The following DPH6 variants were observed in gnomAD, a reference collection of about 807,000 sequenced individuals.
DPH6 encodes diphthine--ammonia ligase.
DPH6 carries 33 observed loss-of-function variants against 38.2 expected under a neutral mutation model. The observed-to-expected ratio is 0.86, with a 90% CI of 0.65 to 1.15. DPH6 has a LOEUF of 1.15. Among genes scored for constraint, DPH6 ranks in the 50% most tolerant of loss-of-function variants. The pLI is 0.00. For missense variants in DPH6, 325 were observed against 320.0 expected, an observed-to-expected ratio of 1.02 and a Z score of -0.12; for synonymous variants, 108 against 103.0, an observed-to-expected ratio of 1.05 and a Z score of -0.30.
At position 35,383,159 on chromosome 15, in the gene DPH6, G is replaced by A. The variant is rs553098003; in HGVS notation, c.568-1243C>T. 1.6e-4 allele frequency among the ~76,000 whole-genome samples: 24 copies of A among 152,250 alleles called. 1 individual carries two copies. The highest frequency in any genetic ancestry group is 3.4e-3 in the Middle Eastern group (1 of 294). ...AGAAAATGTTTTACTGAAGTTCTGT[G>A]TAATTTCTGTAATCCACCACCAAAG... On this transcript the variant is annotated intron_variant, in intron 6 of 8. Transcript: ENST00000256538.
chr15:35,411,139 C>T (rs1430202813), intron 5 of DPH6, among the ~76,000 whole-genome samples: 5 of 151,618 alleles, frequency 3.3e-5, no homozygotes, highest in South Asian at 4.1e-4. Context: ...AACTACCAGA[C>T]GCATTGTTTC....
intron 3 of DPH6, among the ~76,000 whole-genome samples, chr15:35,293,732 G>T (rs2051995466): frequency 6.6e-6 from 1 of 152,210 alleles, no homozygotes; most frequent in African/African-American, 2.4e-5. Flanking sequence ...GACAAAGGAA[G>T]AGGATGCACT....
chr15:35,541,681 G>GTGCTA (rs1555410011), intron 2 of DPH6, among the ~76,000 whole-genome samples: 2 of 152,086 alleles, frequency 1.3e-5, no homozygotes, highest in Non-Finnish European at 2.9e-5. Flanking sequence ...AGTCACAAAA[G>GTGCTA]TGCTAATCTT....
intron 3 of DPH6, among the ~76,000 whole-genome samples, chr15:35,496,567 A>AAAAAAAAAAAAAAAAAAAAAAAAAAATAT: frequency 9.7e-5 from 3 of 31,014 alleles, no homozygotes; most frequent in African/African-American, 4.1e-4. Flanking sequence ...AAAAAAAAAA[A>AAAAAAAAAAAAAAAAAAAAAAAAAAATAT]ATATATATAT....
intron 3 of DPH6, among the ~76,000 whole-genome samples, chr15:35,457,561 T>C (rs983488921): frequency 4.6e-5 from 7 of 152,098 alleles, no homozygotes; most frequent in African/African-American, 1.7e-4. Context: ...GCCTCCCAAA[T>C]TGCTGGGATT....
At chr15:35,336,858 T>C (rs1029077834) in intron 3 of DPH6, among the ~76,000 whole-genome samples, 2 of 152,316 alleles carry the variant, frequency 1.3e-5, no homozygotes, top group African/African-American at 4.8e-5. Context: ...CAGTATTTTA[T>C]TGAGGATTTT....
chr15:35,382,558 T>C (rs1566888586), intron 6 of DPH6, among the ~76,000 whole-genome samples: 1 of 152,150 alleles, frequency 6.6e-6, no homozygotes, highest in East Asian at 1.9e-4. Flanking sequence ...AACAAAAATA[T>C]ATGCAGCCAA....
intron 3 of DPH6, among the ~76,000 whole-genome samples, chr15:35,455,137 T>C (rs1043351420): frequency 3.3e-5 from 5 of 152,220 alleles, no homozygotes; most frequent in African/African-American, 1.2e-4. Flanking sequence ...TGATGTTCGA[T>C]GGAAACTTTT....
the DPH6 span, among the ~76,000 whole-genome samples, chr15:35,148,240 A>AT: frequency 6.6e-6 from 1 of 152,154 alleles, no homozygotes; most frequent in Non-Finnish European, 1.5e-5. Context: ...AAGTTATTTC[A>AT]TTTTTCTTCC....
At chr15:35,191,176 T>C in the DPH6 span, among the ~76,000 whole-genome samples, 37 of 152,324 alleles carry the variant, frequency 2.4e-4, no homozygotes, top group African/African-American at 6.5e-4. Flanking sequence ...CAATGTAACA[T>C]GCCACATTTC....
chr15:35,177,239 T>C, the DPH6 span, among the ~76,000 whole-genome samples: 1 of 151,930 alleles, frequency 6.6e-6, no homozygotes, highest in Non-Finnish European at 1.5e-5. Flanking sequence ...TTCAAAGTCA[T>C]GGATTTAGCA....
chr15:35,521,645 T>A, intron 3 of DPH6: 1 of 1,230,516 alleles, frequency 8.1e-7, no homozygotes, highest in South Asian at 4.1e-5. Context: ...GTATTTTTAA[T>A]ATGCAGGATA....
chr15:35,382,474 A>ACACACACAC (rs2052884273), intron 6 of DPH6, among the ~76,000 whole-genome samples: 2 of 133,564 alleles, frequency 1.5e-5, no homozygotes, highest in African/African-American at 6.3e-5. Flanking sequence ...CACACACACA[A>ACACACACAC]AATTAAGATT....
At chr15:35,179,843 T>C in the DPH6 span, among the ~76,000 whole-genome samples, 3 of 152,206 alleles carry the variant, frequency 2.0e-5, no homozygotes, top group African/African-American at 7.2e-5. Flanking sequence ...AGGAAGTAGA[T>C]GCATGGCAAA....
chr15:35,436,780 G>A (rs1442386049), intron 5 of DPH6, among the ~76,000 whole-genome samples: 2 of 142,686 alleles, frequency 1.4e-5, no homozygotes, highest in African/African-American at 5.2e-5. Flanking sequence ...TTCTCCACCA[G>A]GTCAGGAGTT....
intron 3 of DPH6, among the ~76,000 whole-genome samples, chr15:35,309,919 C>A (rs1334987921): frequency 6.6e-6 from 1 of 152,178 alleles, no homozygotes; most frequent in Non-Finnish European, 1.5e-5. Context: ...CAGTGGGATC[C>A]TCCTGTGTGC....
rs146947570 is a variant in DPH6, at chr15:35,226,904, G to C, written n.201-6322C>G. Among the ~76,000 whole-genome samples, 282 of 152,238 alleles carry C rather than the reference G, an allele frequency of 1.9e-3. 2 individuals carry two copies. Among genetic ancestry groups the C allele is most frequent in the African/African-American group, 6.5e-3 (271 of 41,562 alleles). On this transcript the variant is annotated intron_variant and non_coding_transcript_variant, in intron 3 of 3. Transcript: ENST00000560386. ...AATACTTTAAGTAGGATTGGTATCA[G>C]CTCTTTAAATGTTTGGTAGAAATCA...
At chr15:35,172,779 A>C in the DPH6 span, among the ~76,000 whole-genome samples, 1 of 151,758 alleles carries the variant, frequency 6.6e-6, no homozygotes, top group Middle Eastern at 3.4e-3. Context: ...GTAGTCTTGA[A>C]CTCCTGGGCT....
intron 2 of DPH6, among the ~76,000 whole-genome samples, chr15:35,541,353 G>A (rs1031631917): frequency 2.6e-5 from 4 of 152,060 alleles, no homozygotes; most frequent in Non-Finnish European, 5.9e-5. Context: ...TCAACCTTGC[G>A]TGAACTCCTA....
Sources: gnomAD v4.1 joint callset for allele counts (sites outside exome capture counted in the v4.1 genomes callset) on GRCh38, gnomAD v4.1.1 for gene constraint, MANE v1.5 for transcripts, NCBI Gene and HGNC (gene_info 2026-07-23, HGNC 2026-07-21) for gene names.